The following DNAH14 variants were observed in gnomAD, a reference collection of about 807,000 sequenced individuals.
The protein encoded by DNAH14 is dynein axonemal heavy chain 14.
Under a neutral mutation model 520.9 loss-of-function variants are expected in DNAH14, and 478 were observed. The observed-to-expected ratio is 0.92, with a 90% CI of 0.85 to 0.99. The LOEUF (loss-of-function observed/expected upper bound fraction) is 0.99. Among genes scored for constraint, DNAH14 ranks in the 50% least tolerant of loss-of-function variants. The pLI is 0.00. For synonymous variants in DNAH14, 1,581 were observed against 1,757.2 expected (o/e 0.90, Z 2.51); for missense variants, 4,831 against 5,234.5 (o/e 0.92, Z 2.38).
intron 2 of DNAH14, 31 bp from the exon 3 acceptor site, chr1:224,954,928 T>A: frequency 6.5e-7 from 1 of 1,527,236 alleles, no homozygotes; most frequent in Non-Finnish European, 8.9e-7. Context: ...TTTCCATTTA[T>A]TTTCTTAGAA....
chr1:224,975,660 A>C (rs1167742941), intron 8 of DNAH14, among the ~76,000 whole-genome samples: 1 of 150,624 alleles, frequency 6.6e-6, no homozygotes, highest in East Asian at 2.0e-4. Context: ...AATTTTGTTG[A>C]TCCTTTCAAA....
intron 8 of DNAH14, among the ~76,000 whole-genome samples, chr1:224,991,385 G>A (rs568268963): frequency 9.9e-5 from 15 of 151,706 alleles, no homozygotes; most frequent in East Asian, 3.9e-4. Flanking sequence ...GATTAGAGGC[G>A]CCCGGCTGAG....
chr1:225,006,985 A>G (rs1558660239), intron 9 of DNAH14, among the ~76,000 whole-genome samples: 1 of 152,132 alleles, frequency 6.6e-6, no homozygotes, highest in Non-Finnish European at 1.5e-5. Context: ...ACCGGCTGAC[A>G]CTTAGGGAAA....
intron 17 of DNAH14, among the ~76,000 whole-genome samples, chr1:225,052,777 C>T (rs2068667542): frequency 6.6e-6 from 1 of 152,172 alleles, no homozygotes; most frequent in Admixed American, 6.5e-5. Context: ...GTTGATTTAA[C>T]TTAGATTCAG....
rs1238122714 is a variant in DNAH14, at chr1:225,109,967, T to G, written c.3868-7717T>G. Among the ~76,000 whole-genome samples, 3 of 152,210 alleles carry G rather than the reference T, an allele frequency of 2.0e-5. No individual in the cohort carries two copies. In the East Asian group the frequency reaches 5.8e-4, roughly 29 times the overall value. ...ATATGGTTTTTGTTCTTTATTCTGT[T>G]GATATGATGTTTCACACTGATTTAT... On this transcript the variant is annotated intron_variant, in intron 23 of 85. Coordinates refer to ENST00000682510, the MANE Select transcript of DNAH14 (RefSeq NM_001367479.1).
At chr1:225,252,475 C>CATAAAAGTAATTATATCTACTCTATTT in intron 44 of DNAH14, 58 bp downstream of exon 44, 1 of 937,276 alleles carries the variant, frequency 1.1e-6, no homozygotes, top group Admixed American at 2.6e-5. Flanking sequence ...ATACTCTATT[C>CATAAAAGTAATTATATCTACTCTATTT]ATAAAAGTAA....
intron 52 of DNAH14, among the ~76,000 whole-genome samples, chr1:225,274,459 G>C (rs1476573500): frequency 2.0e-5 from 3 of 152,042 alleles, no homozygotes; most frequent in African/African-American, 7.2e-5. Flanking sequence ...CTCCCAAAGT[G>C]CTGGGATTAC....
intron 77 of DNAH14, among the ~76,000 whole-genome samples, chr1:225,374,171 A>ATATATG (rs1553370198): frequency 9.7e-6 from 1 of 102,856 alleles, no homozygotes; most frequent in Admixed American, 1.0e-4. Context: ...ATATATATAT[A>ATATATG]TATATATATA....
At chr1:225,125,734 T>C (rs1289285010) in intron 27 of DNAH14, among the ~76,000 whole-genome samples, 2 of 152,238 alleles carry the variant, frequency 1.3e-5, no homozygotes, top group Admixed American at 6.5e-5. Flanking sequence ...AGTAGCACTT[T>C]TAATTTTCTT....
intron 34 of DNAH14, among the ~76,000 whole-genome samples, chr1:225,158,491 A>T (rs12408302): frequency 0.13 from 19,425 of 152,138 alleles, 1,399 homozygotes; most frequent in East Asian, 0.31. Context: ...GGCTGTCCAT[A>T]TTACTGAACT....
intron 41 of DNAH14, among the ~76,000 whole-genome samples, chr1:225,222,274 A>G (rs577687193): frequency 6.6e-6 from 1 of 152,202 alleles, no homozygotes; most frequent in Admixed American, 6.5e-5. Flanking sequence ...TCAGGCTTTC[A>G]TCATGGGACA....
chr1:225,132,773 T>C (rs1003625414), intron 27 of DNAH14, among the ~76,000 whole-genome samples: 1 of 152,180 alleles, frequency 6.6e-6, no homozygotes, highest in Non-Finnish European at 1.5e-5. Flanking sequence ...TTTCTGCCTC[T>C]AGGTCTTTGA....
chr1:225,020,246 C>T (rs931097185), intron 10 of DNAH14, among the ~76,000 whole-genome samples: 1 of 151,862 alleles, frequency 6.6e-6, no homozygotes, highest in Non-Finnish European at 1.5e-5. Context: ...CTTGTAATCC[C>T]AACACTTTGG....
intron 1 of DNAH14, among the ~76,000 whole-genome samples, chr1:224,936,416 A>G (rs1355267163): frequency 6.6e-6 from 1 of 151,852 alleles, no homozygotes; most frequent in African/African-American, 2.4e-5. Flanking sequence ...AATATAAAGA[A>G]TTATTATAGA....
At chr1:224,949,957 A>G (rs1037342244) in intron 1 of DNAH14, among the ~76,000 whole-genome samples, 1 of 152,024 alleles carries the variant, frequency 6.6e-6, no homozygotes, top group Admixed American at 6.6e-5. Context: ...ATACTTTTTA[A>G]TAATATATTT....
At chr1:225,173,364 A>G (rs1324520325) in intron 36 of DNAH14, among the ~76,000 whole-genome samples, 1 of 152,240 alleles carries the variant, frequency 6.6e-6, no homozygotes, top group East Asian at 1.9e-4. Context: ...TACTCATCTG[A>G]CAAAGGGCTA....
At chr1:225,031,622 A>G (rs2066532042) in intron 11 of DNAH14, among the ~76,000 whole-genome samples, 1 of 152,102 alleles carries the variant, frequency 6.6e-6, no homozygotes, top group Admixed American at 6.6e-5. Context: ...AAAACCAGCT[A>G]TTCTTACAGG....
chr1:224,991,389 G>A (rs1049820612), intron 8 of DNAH14, among the ~76,000 whole-genome samples: 1 of 151,730 alleles, frequency 6.6e-6, no homozygotes, highest in South Asian at 2.1e-4. Flanking sequence ...AGAGGCGCCC[G>A]GCTGAGCATT....
At chr1:225,049,773 C>T (rs12034531) in intron 15 of DNAH14, among the ~76,000 whole-genome samples, 4,073 of 143,122 alleles carry the variant, frequency 0.028, 263 homozygotes, top group African/African-American at 0.069. Flanking sequence ...TATCTATCTA[C>T]CTATCTATCT....
Sources: gnomAD v4.1 joint callset for allele counts (sites outside exome capture counted in the v4.1 genomes callset) on GRCh38, gnomAD v4.1.1 for gene constraint, MANE v1.5 for transcripts, NCBI Gene and HGNC (gene_info 2026-07-23, HGNC 2026-07-21) for gene names.